GSPT1: variants seen among roughly 807,000 people sequenced by gnomAD.
GSPT1 encodes G1 to S phase transition 1, also known as eukaryotic peptide chain release factor GTP-binding subunit ERF3A.
A neutral mutation model predicts 72.5 loss-of-function variants in GSPT1; 20 were observed. That is an observed-to-expected ratio of 0.28 (90% CI 0.19 to 0.40). The LOEUF is 0.40. Ranked by LOEUF, GSPT1 falls within the 10% of genes least tolerant of loss-of-function variation. The pLI is 1.00. For missense variants in GSPT1, 580 were observed against 811.9 expected (o/e 0.71, Z 3.47); for synonymous variants, 334 against 293.5 (o/e 1.14, Z -1.41).
rs188173504 is a variant in GSPT1, at chr16:11,905,423, G to A, written c.353-7388C>T. Among the ~76,000 whole-genome samples the A allele has an allele frequency of 3.7e-4, 56 of 152,268 alleles. 1 individual carries two copies. Among genetic ancestry groups the A allele is most frequent in the Admixed American group, 7.8e-4 (12 of 15,300 alleles). ...TCTAGCTCAAGGATTCTCCTTAATTGTAGTACACACTTGCCTACCTAATCC... is the reference window on the plus strand; with the variant it reads ...TCTAGCTCAAGGATTCTCCTTAATTATAGTACACACTTGCCTACCTAATCC... On this transcript the variant is annotated intron_variant, in intron 1 of 14. Transcript: ENST00000434724.
chr16:11,896,719 G>C lies in GSPT1; in HGVS notation c.503C>G (p.Ala168Gly). 1 of 1,605,980 alleles carries C rather than the reference G, an allele frequency of 6.2e-7. No individual in the cohort carries two copies. ...TCCCAAGGAACCACCCCCTGGCTCT[G>C]CTTCACTTATTTCTTCTTTGTGCTC... The part of the protein sequence containing the change: ...SWEHKEEISE[A>G]EPGGGSLGDG... Residue 168 changes from alanine (A) to glycine (G), a missense_variant, in exon 4 of 15, where the codon GCA becomes GGA. Around this residue, in one of 6 missense-constraint regions of GSPT1, gnomAD observed 327 missense variants for 298.8 expected, o/e 1.09. Transcript: ENST00000434724.
chr16:11,882,306 A>T (rs993942119), intron 11 of GSPT1: 4 of 152,260 alleles, frequency 2.6e-5, no homozygotes, highest in Non-Finnish European at 4.4e-5. Context: ...ATTTTCACTC[A>T]TATGTTAGCC....
chr16:11,891,109 C>G lies in GSPT1; in HGVS notation c.729G>C (p.Thr243=), dbSNP rs1035217358. The change falls in exon 6 of 15, where the codon ACG becomes ACC. Residue 243 remains threonine (T), a synonymous_variant. Transcript: ENST00000434724. ...TAGCTTCTCTTTCATACTTTTCAAG[C>G]GTCCTTTTGTCAACCATTCCAGTCA... The part of the protein sequence containing the change: ...MYLTGMVDKR[T]LEKYEREAKE... The G allele has an allele frequency of 3.3e-6, 5 of 1,503,556 alleles. No individual in the cohort carries two copies. Among genetic ancestry groups the G allele is most frequent in the Non-Finnish European group, 4.5e-6 (5 of 1,114,218 alleles). The allele number at this position is 1,503,556 out of a possible 1,614,324, so 93.1% of individuals were successfully genotyped here.
chr16:11,903,305 G>GT (rs993355420), intron 1 of GSPT1, among the ~76,000 whole-genome samples: 32 of 152,228 alleles, frequency 2.1e-4, no homozygotes, highest in Non-Finnish European at 4.1e-4. Context: ...GAGGTCAGGA[G>GT]TTTGAGACCA....
chr16:11,890,849 T>C (rs921826097), intron 6 of GSPT1: 1 of 359,150 alleles, frequency 2.8e-6, no homozygotes, highest in African/African-American at 2.1e-5. Flanking sequence ...AACAAGTCTA[T>C]CACCAGATAT....
intron 1 of GSPT1, among the ~76,000 whole-genome samples, chr16:11,907,667 A>C (rs931507634): frequency 2.0e-5 from 3 of 152,214 alleles, no homozygotes; most frequent in Non-Finnish European, 2.9e-5. Flanking sequence ...AGCAGGTAGC[A>C]AATCTGCATT....
rs961792094 is a variant in GSPT1 at position 11,891,523 on chromosome 16, G to A, written c.699-384C>T. Among the ~76,000 whole-genome samples the A allele has an allele frequency of 4.0e-5, 6 of 151,462 alleles. No individual in the cohort carries two copies. In the South Asian group the frequency reaches 6.2e-4, roughly 16 times the overall value. Reference sequence around the variant, plus strand: ...ATTACAGGCACCCACCACCAAACCCGGCTAATTTTTGTACTTGTAGTAAAG... The same window carrying A: ...ATTACAGGCACCCACCACCAAACCCAGCTAATTTTTGTACTTGTAGTAAAG... On this transcript the variant is annotated intron_variant, in intron 5 of 14. Transcript: ENST00000434724.
At position 11,886,626 on chromosome 16, in the gene GSPT1, T is replaced by G; in HGVS notation, c.1113-15A>C. On this transcript the variant is annotated splice_polypyrimidine_tract_variant and intron_variant, in intron 8 of 14. Coordinates refer to ENST00000434724, the MANE Select transcript of GSPT1 (RefSeq NM_002094.4). ...ATTCTTCATATCTGCAATTATAATGTAACCAAAATAACTCAATTATAATGT... is the reference window on the plus strand; with the variant it reads ...ATTCTTCATATCTGCAATTATAATGGAACCAAAATAACTCAATTATAATGT... The G allele has an allele frequency of 6.3e-7, 1 of 1,594,630 alleles. No individual in the cohort carries two copies. Among genetic ancestry groups the G allele is most frequent in the Non-Finnish European group, 8.6e-7 (1 of 1,162,846 alleles).
Position 11,869,332 on chromosome 16 carries a change from A to AC in GSPT1, c.*3786_*3787insG, listed in dbSNP as rs2053953060. On this transcript the variant is annotated 3_prime_UTR_variant, in exon 15 of 15. Coordinates refer to ENST00000434724, the MANE Select transcript of GSPT1 (RefSeq NM_002094.4). ...CTGCCATGGCGAGATCTCTCACGAA[A>AC]GAAACAAGATCAAGGATGTACTAGA... 6.6e-6 allele frequency: 1 copy of AC among 152,210 alleles called. No individual in the cohort carries two copies. Among genetic ancestry groups the AC allele is most frequent in the East Asian group, 1.9e-4 (1 of 5,190 alleles). 9.4% of individuals were successfully genotyped at this position (152,210 alleles called of 1,614,324 possible).
At position 11,870,444 on chromosome 16, in the gene GSPT1, G is replaced by A. The variant is rs2053966116; in HGVS notation, c.*2675C>T. 1 of 152,166 alleles carries A rather than the reference G, an allele frequency of 6.6e-6. No homozygotes were observed. Among genetic ancestry groups the A allele is most frequent in the Non-Finnish European group, 1.5e-5 (1 of 68,044 alleles). The allele number at this position is 152,166 out of a possible 1,614,324, so 9.4% of individuals were successfully genotyped here. A position where few individuals can be genotyped will look rare whatever the true frequency, so the allele number is the denominator to read the frequency against. ...ATGCAAGAAAAAAATCATTCTAGTA[G>A]AGCAACGTTAGAGAACAAATGCTTA... On this transcript the variant is annotated 3_prime_UTR_variant, in exon 15 of 15. Coordinates refer to ENST00000434724, the MANE Select transcript of GSPT1 (RefSeq NM_002094.4).
chr16:11,904,997 G>C (rs2054470589), intron 1 of GSPT1, among the ~76,000 whole-genome samples: 5 of 152,230 alleles, frequency 3.3e-5, no homozygotes. Context: ...GAACCTGGGA[G>C]GTGGAGGCTG....
In GSPT1 at chr16:11,915,673, C is replaced by CTGCCGCTGCTGCTCCCGCCGCCG; in HGVS notation, c.47_48insCGGCGGCGGGAGCAGCAGCGGCA (p.Ser17GlyfsTer138). 5.4e-6 allele frequency: 8 copies of CTGCCGCTGCTGCTCCCGCCGCCG among 1,471,616 alleles called. No individual in the cohort carries two copies. The highest frequency in any genetic ancestry group is 7.2e-6 in the Non-Finnish European group (8 of 1,116,346). 91.2% of individuals were successfully genotyped at this position (1,471,616 alleles called of 1,614,324 possible). On this transcript the variant is annotated frameshift_variant, in exon 1 of 15. Transcript: ENST00000434724. LOFTEE classifies it high-confidence loss of function. ...CGCTGCTGCTGCTGCCGCTGCTGCT[C>CTGCCGCTGCTGCTCCCGCCGCCG]CCGCCGCCGCCGCCGCCGCCGCCGC...
chr16:11,913,499 CAGG>C (rs2054586445), intron 1 of GSPT1, among the ~76,000 whole-genome samples: 2 of 152,284 alleles, frequency 1.3e-5, no homozygotes, highest in South Asian at 4.1e-4. Context: ...TAGCAACTAT[CAGG>C]AAGAGAGAAA....
rs375658616 is a variant in GSPT1, at chr16:11,882,999, C to G, written c.1428+16G>C. The G allele has an allele frequency of 4.7e-6, 7 of 1,503,612 alleles. No homozygotes were observed. The highest frequency in any genetic ancestry group is 5.6e-6 in the Non-Finnish European group (6 of 1,079,394). 93.1% of individuals were successfully genotyped at this position (1,503,612 alleles called of 1,614,324 possible). A position where few individuals can be genotyped will look rare whatever the true frequency, so the allele number is the denominator to read the frequency against. The stretch of plus-strand genomic sequence containing the variant: ...AAATCAATAAATAGATAGGAAACAG[C>G]ATAACCGATTCTTACCTTGTTTGGC... On this transcript the variant is annotated intron_variant, in intron 11 of 14. Coordinates refer to ENST00000434724, the MANE Select transcript of GSPT1 (RefSeq NM_002094.4).
At chr16:11,902,854 C>G (rs142574988) in intron 1 of GSPT1, among the ~76,000 whole-genome samples, 1 of 151,626 alleles carries the variant, frequency 6.6e-6, no homozygotes, top group Non-Finnish European at 1.5e-5. Context: ...CCCAAAGTCC[C>G]GGGATTACAG....
intron 1 of GSPT1, among the ~76,000 whole-genome samples, chr16:11,899,804 G>C (rs916362427): frequency 1.3e-5 from 2 of 152,146 alleles, no homozygotes; most frequent in African/African-American, 4.8e-5. Flanking sequence ...GTACTTCTCA[G>C]AGCCTGGAAC....
intron 1 of GSPT1, among the ~76,000 whole-genome samples, chr16:11,900,572 G>C (rs962538970): frequency 6.6e-6 from 1 of 152,070 alleles, no homozygotes; most frequent in Admixed American, 6.6e-5. Flanking sequence ...AGGCACATCA[G>C]AATCAACTGC....
chr16:11,892,618 G>T (rs1467685533), intron 5 of GSPT1, among the ~76,000 whole-genome samples: 1 of 150,754 alleles, frequency 6.6e-6, no homozygotes. Flanking sequence ...CACAAGGTCA[G>T]GAGTTCAAGA....
rs143412070 is a variant in GSPT1 at position 11,877,260 on chromosome 16, A to G, written c.1602+147T>C. 6.2e-5 allele frequency: 36 copies of G among 580,398 alleles called. No individual in the cohort carries two copies. Among genetic ancestry groups the G allele is most frequent in the Non-Finnish European group, 9.2e-5 (31 of 335,926 alleles). 36.0% of individuals were successfully genotyped at this position (580,398 alleles called of 1,614,324 possible). A position where few individuals can be genotyped will look rare whatever the true frequency, so the allele number is the denominator to read the frequency against. ...GAGGTGCCTATTGTGGTTATGATAT[A>G]TAAGTGGCTTATAATATTTCCATTC... On this transcript the variant is annotated intron_variant, in intron 12 of 14. Coordinates refer to ENST00000434724, the MANE Select transcript of GSPT1 (RefSeq NM_002094.4). This position sits in a 1 kb window ranked among gnomAD's most constrained non-coding sequence, Gnocchi z 4.0.
Sources: gnomAD v4.1 joint callset for allele counts (sites outside exome capture counted in the v4.1 genomes callset) on GRCh38, gnomAD v4.1.1 for gene constraint, gnomAD v4.1.1 regional missense constraint, Gnocchi (gnomAD v3.1) non-coding constraint, MANE v1.5 for transcripts, NCBI Gene and HGNC (gene_info 2026-07-23, HGNC 2026-07-21) for gene names.